The following HELZ variants were observed in gnomAD, a reference collection of about 807,000 sequenced individuals.
HELZ encodes the protein ATP-dependent RNA helicase with zinc finger domain.
A neutral mutation model predicts 218.2 loss-of-function variants in HELZ; 23 were observed. The ratio of observed to expected loss-of-function variants is 0.11; its 90% CI spans 0.08 to 0.15. The LOEUF (loss-of-function observed/expected upper bound fraction) is 0.15, where lower values mean the gene tolerates loss of function less well. HELZ is among the 10% of genes least tolerant of loss of function. The probability of loss-of-function intolerance (pLI) is 1.00; values close to 1 mark genes in which losing one functional copy is unlikely to be tolerated. For synonymous variants in HELZ, 814 were observed against 829.4 expected, an observed-to-expected ratio of 0.98 and a Z score of 0.32; for missense variants, 1,813 against 2,353.7, an observed-to-expected ratio of 0.77 and a Z score of 4.75.
Position 67,078,438 on chromosome 17 carries a change from G to A in HELZ, c.5643C>T (p.Ser1881=). 6 of 1,595,290 alleles carry A rather than the reference G, an allele frequency of 3.8e-6. No individual in the cohort carries two copies. Among genetic ancestry groups the A allele is most frequent in the Non-Finnish European group, 4.3e-6 (5 of 1,173,262 alleles). ...CCCCCGCAGAGCTCTGGGGGCTACTGCTATTGGCCGACTCCGCGATCTGCT... is the reference window on the plus strand; with the variant it reads ...CCCCCGCAGAGCTCTGGGGGCTACTACTATTGGCCGACTCCGCGATCTGCT... ...PNKQIAESAN[S]SSPQSSAGGK... The change falls in exon 33 of 33, where the codon AGC becomes AGT. Residue 1881 remains serine (S), a synonymous_variant. Coordinates refer to ENST00000358691, the MANE Select transcript of HELZ (RefSeq NM_014877.4).
intron 17 of HELZ, among the ~76,000 whole-genome samples, chr17:67,155,694 G>T (rs1301660865): frequency 1.3e-5 from 2 of 152,084 alleles, no homozygotes; most frequent in African/African-American, 4.8e-5. Flanking sequence ...AAAGTTAACT[G>T]GGCGTGGTGG....
chr17:67,151,480 T>C (rs2038681164), intron 17 of HELZ, among the ~76,000 whole-genome samples: 1 of 152,200 alleles, frequency 6.6e-6, no homozygotes, highest in African/African-American at 2.4e-5. Context: ...TATTTTTAAG[T>C]GTTCAGAGTA....
rs756070745 is a variant in HELZ at position 67,123,037 on chromosome 17, G to T, written c.3563C>A (p.Thr1188Asn). ...AGGTACATAAAGAATACTTGTCCCAGTGTGAGGATCTATTCTTTGAACAGG... is the reference window on the plus strand; with the variant it reads ...AGGTACATAAAGAATACTTGTCCCATTGTGAGGATCTATTCTTTGAACAGG... ...PSPVQRIDPHTGTSILYVPAV... is the reference protein window; with the variant it reads ...PSPVQRIDPHNGTSILYVPAV... Residue 1188 changes from threonine to asparagine, a missense_variant, in exon 26 of 33, where the codon ACT becomes AAT. Physicochemically the swap from Thr to Asn is moderately conservative, Grantham distance 65 (BLOSUM62 0). Around this residue, in one of 4 missense-constraint regions of HELZ, gnomAD observed 938 missense variants for 1,027.5 expected, o/e 0.91. Transcript: ENST00000358691. 2 of 1,613,580 alleles carry T rather than the reference G, an allele frequency of 1.2e-6. No individual in the cohort carries two copies. Among genetic ancestry groups the T allele is most frequent in the Non-Finnish European group, 1.7e-6 (2 of 1,179,516 alleles).
chr17:67,201,311 T>C (rs764598459), intron 6 of HELZ, 126 bp from the exon 7 acceptor site: 59 of 616,798 alleles, frequency 9.6e-5, no homozygotes, highest in Middle Eastern at 2.9e-4. Flanking sequence ...TCATCCCTCA[T>C]CACTACTACC....
At position 67,123,949 on chromosome 17, in the gene HELZ, A is replaced by G; in HGVS notation, c.3439+14T>C. 1 of 1,598,530 alleles carries G rather than the reference A, an allele frequency of 6.3e-7. No homozygotes were observed. Among genetic ancestry groups the G allele is most frequent in the African/African-American group, 1.3e-5 (1 of 74,524 alleles). On this transcript the variant is annotated intron_variant, in intron 25 of 32. Coordinates refer to ENST00000358691, the MANE Select transcript of HELZ (RefSeq NM_014877.4). Reference sequence around the variant, plus strand: ...CATAAAAGCAAGTTTTCATAGGGTAATTTTTCCACTTACCAATTCCATCAT... The same window carrying G: ...CATAAAAGCAAGTTTTCATAGGGTAGTTTTTCCACTTACCAATTCCATCAT...
At chr17:67,159,323 G>C (rs2038931221) in intron 17 of HELZ, among the ~76,000 whole-genome samples, 1 of 151,738 alleles carries the variant, frequency 6.6e-6, no homozygotes, top group Non-Finnish European at 1.5e-5. Context: ...GTGTTAATGG[G>C]TCACACCACT....
intron 23 of HELZ, 41 bp downstream of exon 23, chr17:67,135,929 C>T: frequency 2.0e-6 from 3 of 1,475,726 alleles, no homozygotes; most frequent in Non-Finnish European, 9.3e-7. Context: ...CAAATCATGT[C>T]ACATTTCCCC....
chr17:67,145,931 A>G lies in HELZ; in HGVS notation c.2622-41T>C, dbSNP rs1473819859. On this transcript the variant is annotated intron_variant, in intron 20 of 32. Transcript: ENST00000358691. ...AAAAGAAAAAAGGGGGAAAATCTACATCAAAATTAATTTCACCCATAAGAA... is the reference window on the plus strand; with the variant it reads ...AAAAGAAAAAAGGGGGAAAATCTACGTCAAAATTAATTTCACCCATAAGAA... 1.9e-6 allele frequency: 3 copies of G among 1,562,744 alleles called. No homozygotes were observed. The Admixed American group carries it at 5.9e-5, about 31-fold the overall frequency.
At chr17:67,148,480 C>T (rs535304804) in intron 20 of HELZ, 89 bp downstream of exon 20, 3 of 1,075,968 alleles carry the variant, frequency 2.8e-6, no homozygotes, top group South Asian at 1.7e-5. Context: ...TGTTGGGAAT[C>T]ATCTGTCCCT....
chr17:67,177,582 T>C (rs1435742308), intron 13 of HELZ, among the ~76,000 whole-genome samples: 3 of 151,426 alleles, frequency 2.0e-5, no homozygotes, highest in Non-Finnish European at 1.5e-5. Context: ...TCCATGATAA[T>C]ATAAATAATA....
intron 31 of HELZ, among the ~76,000 whole-genome samples, chr17:67,092,231 A>G (rs1425866002): frequency 1.3e-5 from 2 of 152,218 alleles, no homozygotes; most frequent in Non-Finnish European, 2.9e-5. Flanking sequence ...TAGATATACA[A>G]CAATCAAGAC....
At chr17:67,185,702 T>C (rs2039735304) in intron 12 of HELZ, among the ~76,000 whole-genome samples, 1 of 152,186 alleles carries the variant, frequency 6.6e-6, no homozygotes, top group Non-Finnish European at 1.5e-5. Context: ...CAAATTTCAC[T>C]ATGTGAAATC....
chr17:67,132,397 C>G (rs1221967040), intron 23 of HELZ, among the ~76,000 whole-genome samples: 1 of 152,212 alleles, frequency 6.6e-6, no homozygotes, highest in African/African-American at 2.4e-5. Flanking sequence ...TCCTTTTAGC[C>G]TCCTGCCATT....
intron 31 of HELZ, among the ~76,000 whole-genome samples, chr17:67,091,126 A>G (rs1269541259): frequency 6.6e-6 from 1 of 152,114 alleles, no homozygotes; most frequent in African/African-American, 2.4e-5. Flanking sequence ...TTTTCACTCA[A>G]TGTAAAACAT....
intron 3 of HELZ, among the ~76,000 whole-genome samples, chr17:67,228,655 T>C (rs1035270321): frequency 6.7e-6 from 1 of 149,582 alleles, no homozygotes; most frequent in Non-Finnish European, 1.5e-5. Context: ...GAGGAGACTT[T>C]GTCTCAAAAA....
At chr17:67,111,822 A>G (rs2037289642) in intron 28 of HELZ, among the ~76,000 whole-genome samples, 1 of 152,210 alleles carries the variant, frequency 6.6e-6, no homozygotes, top group South Asian at 2.1e-4. Flanking sequence ...ATTTTCCTCC[A>G]TAAATCTCCA....
intron 15 of HELZ, among the ~76,000 whole-genome samples, 187 bp from the exon 16 acceptor site, chr17:67,161,263 A>C (rs577641937): frequency 1.3e-5 from 2 of 152,326 alleles, no homozygotes; most frequent in South Asian, 4.1e-4. Flanking sequence ...AGAGTGTTTT[A>C]ACGTGTAAAT....
At position 67,108,387 on chromosome 17, in the gene HELZ, T is replaced by C; in HGVS notation, c.4724+105A>G. 1 of 823,974 alleles carries C rather than the reference T, an allele frequency of 1.2e-6. No individual in the cohort carries two copies. Among genetic ancestry groups the C allele is most frequent in the South Asian group, 1.6e-5 (1 of 63,412 alleles). 51.0% of individuals were successfully genotyped at this position (823,974 alleles called of 1,614,324 possible). On this transcript the variant is annotated intron_variant, in intron 30 of 32. Transcript: ENST00000358691. The surrounding 1 kb of genome is among the most constrained non-coding windows in gnomAD (Gnocchi z 4.1). ...GTGTGCTTGGAAGGCCAGCATCCAA[T>C]TTCTCTGAGGCAATATTCCAGCTTG... is the stretch of plus-strand genomic sequence containing the variant.
chr17:67,166,429 A>C, intron 15 of HELZ, 49 bp downstream of exon 15: 1 of 1,492,904 alleles, frequency 6.7e-7, no homozygotes, highest in Non-Finnish European at 9.3e-7. Flanking sequence ...ACAGATATTC[A>C]ATTTAATATT....
Sources: gnomAD v4.1 joint callset for allele counts (sites outside exome capture counted in the v4.1 genomes callset) on GRCh38, gnomAD v4.1.1 for gene constraint, gnomAD v4.1.1 regional missense constraint, Gnocchi (gnomAD v3.1) non-coding constraint, MANE v1.5 for transcripts, NCBI Gene and HGNC (gene_info 2026-07-23, HGNC 2026-07-21) for gene names.